STXBP5L: variants seen among roughly 807,000 people sequenced by gnomAD.
STXBP5L encodes syntaxin binding protein 5L, also known as syntaxin-binding protein 5-like.
Under a neutral mutation model 144.5 loss-of-function variants are expected in STXBP5L, and 65 were observed. That is an observed-to-expected ratio of 0.45 (90% CI 0.37 to 0.55). The LOEUF is 0.55. Among genes scored for constraint, STXBP5L ranks in the 20% least tolerant of loss-of-function variants. STXBP5L has a pLI of 0.00. For missense variants in STXBP5L, 1,298 were observed against 1,405.5 expected (o/e 0.92, Z 1.22); for synonymous variants, 505 against 469.6 (o/e 1.08, Z -0.97).
chr3:120,909,440 C>A, intron 1 of STXBP5L, 131 bp from the exon 2 acceptor site: 1 of 742,540 alleles, frequency 1.3e-6, no homozygotes, highest in Non-Finnish European at 2.0e-6. Flanking sequence ...TCTTTTTTTC[C>A]AGTCGGTCGT....
At chr3:121,300,634 CAG>C (rs1348199398) in intron 19 of STXBP5L, among the ~76,000 whole-genome samples, 1 of 151,242 alleles carries the variant, frequency 6.6e-6, no homozygotes, top group Non-Finnish European at 1.5e-5. Flanking sequence ...GAAAATAAAA[CAG>C]AGAGGTGTAG....
chr3:121,316,384 T>C (rs573194845), intron 19 of STXBP5L, among the ~76,000 whole-genome samples: 2 of 152,300 alleles, frequency 1.3e-5, no homozygotes, highest in African/African-American at 4.8e-5. Flanking sequence ...CAAATGAGCT[T>C]AGCTCTTTAA....
intron 5 of STXBP5L, among the ~76,000 whole-genome samples, chr3:121,053,422 C>T (rs1948186844): frequency 6.6e-6 from 1 of 152,120 alleles, no homozygotes; most frequent in Non-Finnish European, 1.5e-5. Context: ...GAACAGAGCC[C>T]TCAGAAATAA....
chr3:121,030,275 A>G (rs545741810), intron 3 of STXBP5L, among the ~76,000 whole-genome samples: 2 of 152,312 alleles, frequency 1.3e-5, no homozygotes, highest in East Asian at 3.9e-4. Flanking sequence ...CTCGGAACCA[A>G]CCCAAATGCC....
At chr3:121,303,084 G>A (rs1045998764) in intron 19 of STXBP5L, among the ~76,000 whole-genome samples, 1 of 152,138 alleles carries the variant, frequency 6.6e-6, no homozygotes, top group Non-Finnish European at 1.5e-5. Context: ...TACCATCAGA[G>A]TGAACAGGCA....
chr3:121,114,003 A>C (rs2044126300), intron 5 of STXBP5L, among the ~76,000 whole-genome samples: 1 of 152,140 alleles, frequency 6.6e-6, no homozygotes, highest in Non-Finnish European at 1.5e-5. Context: ...GTACAAGACA[A>C]TATCATATTG....
intron 7 of STXBP5L, among the ~76,000 whole-genome samples, chr3:121,137,341 A>G (rs187938605): frequency 2.0e-5 from 3 of 152,316 alleles, no homozygotes; most frequent in Admixed American, 6.5e-5. Context: ...ATAAAATCAG[A>G]GATGAAAAAA....
chr3:120,924,694 ATTTTATTTAT>A (rs1468655588), intron 2 of STXBP5L: 2 of 151,606 alleles, frequency 1.3e-5, no homozygotes, highest in African/African-American at 4.9e-5. Flanking sequence ...CCTCGTCTTT[ATTTTATTTAT>A]TTTTATTTAT....
chr3:121,406,092 C>T (rs1284198470), intron 22 of STXBP5L, among the ~76,000 whole-genome samples: 1 of 152,012 alleles, frequency 6.6e-6, no homozygotes, highest in Admixed American at 6.6e-5. Context: ...GAGCTGTTGG[C>T]ATTTTTCCTT....
intron 20 of STXBP5L, among the ~76,000 whole-genome samples, chr3:121,335,230 C>T (rs2044464559): frequency 1.3e-5 from 2 of 151,942 alleles, no homozygotes; most frequent in South Asian, 2.1e-4. Flanking sequence ...GAATAAAATA[C>T]CTAGTAATAC....
At chr3:121,048,603 A>G (rs529232727) in intron 5 of STXBP5L, among the ~76,000 whole-genome samples, 5 of 152,104 alleles carry the variant, frequency 3.3e-5, no homozygotes, top group South Asian at 2.1e-4. Context: ...TCTTTCCTGA[A>G]CTTGGTCTAT....
intron 20 of STXBP5L, among the ~76,000 whole-genome samples, chr3:121,365,297 G>A (rs756276972): frequency 3.3e-5 from 5 of 151,776 alleles, no homozygotes; most frequent in Non-Finnish European, 7.4e-5. Context: ...AGAAGTATTG[G>A]TCCTCTTCAA....
intron 3 of STXBP5L, among the ~76,000 whole-genome samples, chr3:120,992,558 T>A (rs1402203350): frequency 5.9e-5 from 9 of 152,152 alleles, no homozygotes; most frequent in African/African-American, 2.2e-4. Flanking sequence ...GATGTTTATA[T>A]TTCTGTGACT....
intron 11 of STXBP5L, among the ~76,000 whole-genome samples, chr3:121,228,515 A>G (rs2049194158): frequency 6.6e-6 from 1 of 152,230 alleles, no homozygotes; most frequent in Non-Finnish European, 1.5e-5. Flanking sequence ...TTTGTAATTC[A>G]GAGGATGGTT....
Position 121,323,013 on chromosome 3 carries a change from T to A in STXBP5L, c.2176+4473T>A, listed in dbSNP as rs781352213. 2.7e-4 allele frequency among the ~76,000 whole-genome samples: 41 copies of A among 152,384 alleles called. 1 individual carries two copies. The highest frequency in any genetic ancestry group is 5.9e-4 in the Admixed American group (9 of 15,302). Reference sequence around the variant, plus strand: ...TCTTCTTTTGAGAAGTGTCTGTTCATGTCTTTTGCCTACTCTTAATGGAGT... The same window carrying A: ...TCTTCTTTTGAGAAGTGTCTGTTCAAGTCTTTTGCCTACTCTTAATGGAGT... On this transcript the variant is annotated intron_variant, in intron 20 of 26. Transcript: ENST00000471454.
chr3:121,006,782 A>G (rs1944349169), intron 3 of STXBP5L, among the ~76,000 whole-genome samples: 1 of 152,060 alleles, frequency 6.6e-6, no homozygotes, highest in African/African-American at 2.4e-5. Context: ...CTTGTCTGTG[A>G]AGGATTTTAT....
At chr3:121,275,458 T>C (rs2050851575) in intron 18 of STXBP5L, among the ~76,000 whole-genome samples, 1 of 152,196 alleles carries the variant, frequency 6.6e-6, no homozygotes, top group Non-Finnish European at 1.5e-5. Flanking sequence ...TTTCCACATT[T>C]GCTGTTAAAT....
intron 20 of STXBP5L, among the ~76,000 whole-genome samples, chr3:121,359,748 G>A (rs1335556292): frequency 6.6e-6 from 1 of 151,816 alleles, no homozygotes; most frequent in African/African-American, 2.4e-5. Flanking sequence ...TCAAAAATGA[G>A]CTCACCGTAG....
intron 3 of STXBP5L, among the ~76,000 whole-genome samples, chr3:120,962,097 A>C (rs4682370): frequency 0.099 from 15,094 of 151,898 alleles, 1,178 homozygotes; most frequent in Admixed American, 0.2. Flanking sequence ...TGTTCATATC[A>C]TTTGCCCACT....
Sources: gnomAD v4.1 joint callset for allele counts (sites outside exome capture counted in the v4.1 genomes callset) on GRCh38, gnomAD v4.1.1 for gene constraint, MANE v1.5 for transcripts, NCBI Gene and HGNC (gene_info 2026-07-23, HGNC 2026-07-21) for gene names.